The following SLC35F3 variants were observed in gnomAD, a reference collection of about 807,000 sequenced individuals.
SLC35F3 encodes putative thiamine transporter SLC35F3.
SLC35F3 carries 25 observed loss-of-function variants against 49.9 expected under a neutral mutation model. That is an observed-to-expected ratio of 0.50 (90% CI 0.37 to 0.70). SLC35F3 has a LOEUF of 0.70. Ranked by LOEUF, SLC35F3 falls within the 30% of genes least tolerant of loss-of-function variation. SLC35F3 has a pLI of 0.00. For synonymous variants in SLC35F3, 275 were observed against 265.4 expected, an observed-to-expected ratio of 1.04 and a Z score of -0.35; for missense variants, 525 against 639.8, an observed-to-expected ratio of 0.82 and a Z score of 1.94.
chr1:234,232,116 G>C (rs773756532), intron 3 of SLC35F3, among the ~76,000 whole-genome samples: 2 of 152,142 alleles, frequency 1.3e-5, no homozygotes, highest in Non-Finnish European at 2.9e-5. Context: ...CAGGTCACTC[G>C]GACGCTTCCT....
intron 3 of SLC35F3, among the ~76,000 whole-genome samples, chr1:234,262,990 C>T (rs190922777): frequency 3.7e-4 from 57 of 152,242 alleles, no homozygotes; most frequent in African/African-American, 1.3e-3. Flanking sequence ...AGTTTGTATC[C>T]GGAGCAGATA....
intron 2 of SLC35F3, among the ~76,000 whole-genome samples, chr1:234,222,846 G>T (rs1467750736): frequency 1.3e-5 from 2 of 152,186 alleles, no homozygotes; most frequent in Non-Finnish European, 2.9e-5. Context: ...TCTGGGTTTT[G>T]TGTGCAGGTC....
intron 2 of SLC35F3, among the ~76,000 whole-genome samples, chr1:234,201,119 G>T (rs1666894807): frequency 6.6e-6 from 1 of 152,194 alleles, no homozygotes; most frequent in South Asian, 2.1e-4. Context: ...CCAAATGCAG[G>T]AGAGGCCCCA....
chr1:234,139,991 A>AAAT (rs1379386248), intron 2 of SLC35F3, among the ~76,000 whole-genome samples: 3 of 138,394 alleles, frequency 2.2e-5, no homozygotes, highest in African/African-American at 7.7e-5. Flanking sequence ...AAATAAAATA[A>AAAT]AATAAAATAA....
At chr1:234,066,820 CCT>C (rs1270977124) in intron 2 of SLC35F3, among the ~76,000 whole-genome samples, 2 of 125,498 alleles carry the variant, frequency 1.6e-5, no homozygotes, top group African/African-American at 6.5e-5. Context: ...TGTCTCTGTC[CCT>C]CTCTCTCCCA....
intron 2 of SLC35F3, among the ~76,000 whole-genome samples, chr1:234,131,488 T>C (rs1445856830): frequency 6.6e-6 from 1 of 152,078 alleles, no homozygotes; most frequent in East Asian, 1.9e-4. Flanking sequence ...GTCTTCCTGC[T>C]TAACATCCTT....
intron 2 of SLC35F3, among the ~76,000 whole-genome samples, chr1:234,194,394 A>G (rs1666773793): frequency 1.3e-5 from 2 of 152,324 alleles, no homozygotes; most frequent in East Asian, 1.9e-4. Context: ...GAGCTAAGCA[A>G]TGAGGATGCA....
At chr1:233,988,056 T>A (rs1385404643) in intron 2 of SLC35F3, among the ~76,000 whole-genome samples, 1 of 152,236 alleles carries the variant, frequency 6.6e-6, no homozygotes, top group Non-Finnish European at 1.5e-5. Flanking sequence ...GAATATTTCC[T>A]CTCATGTCTG....
intron 2 of SLC35F3, among the ~76,000 whole-genome samples, chr1:234,141,368 C>T (rs954792123): frequency 6.6e-6 from 1 of 152,102 alleles, no homozygotes; most frequent in Non-Finnish European, 1.5e-5. Context: ...GTGAACAACT[C>T]CCCTTTCTCC....
chr1:234,031,645 A>C (rs948968611), intron 2 of SLC35F3, among the ~76,000 whole-genome samples: 1 of 152,068 alleles, frequency 6.6e-6, no homozygotes, highest in African/African-American at 2.4e-5. Flanking sequence ...CCTGGCCTCA[A>C]CCCATCCCCC....
intron 2 of SLC35F3, among the ~76,000 whole-genome samples, chr1:234,065,389 C>T (rs1476350258): frequency 1.3e-5 from 2 of 152,164 alleles, no homozygotes; most frequent in Non-Finnish European, 2.9e-5. Context: ...TCTCGTGACT[C>T]GCCCACCTCA....
intron 2 of SLC35F3, among the ~76,000 whole-genome samples, chr1:233,956,829 T>G (rs1662712866): frequency 6.6e-6 from 1 of 152,198 alleles, no homozygotes; most frequent in African/African-American, 2.4e-5. Flanking sequence ...GAACTGAAGC[T>G]GAACCCTAAA....
chr1:234,091,155 C>G (rs1235133116), intron 2 of SLC35F3, among the ~76,000 whole-genome samples: 1 of 152,192 alleles, frequency 6.6e-6, no homozygotes, highest in Admixed American at 6.5e-5. Context: ...TCATTCATTC[C>G]CACTAACCGA....
At chr1:234,024,507 G>A (rs546940949) in intron 2 of SLC35F3, among the ~76,000 whole-genome samples, 6 of 152,260 alleles carry the variant, frequency 3.9e-5, no homozygotes, top group African/African-American at 1.2e-4. Flanking sequence ...TTACAGTTAT[G>A]GAGGCTCAGA....
At chr1:234,319,737 A>C (rs995313851) in intron 6 of SLC35F3, among the ~76,000 whole-genome samples, 1 of 145,868 alleles carries the variant, frequency 6.9e-6, no homozygotes, top group Non-Finnish European at 1.5e-5. Flanking sequence ...CAAAACAAAA[A>C]AACAAAAAAC....
At chr1:234,184,691 A>G (rs6666481) in intron 2 of SLC35F3, among the ~76,000 whole-genome samples, 11,953 of 152,146 alleles carry the variant, frequency 0.079, 1,298 homozygotes, top group African/African-American at 0.25. Context: ...GCCTCTACAT[A>G]TTTGTTCCTC....
chr1:234,265,843 G>T (rs2102970670), intron 3 of SLC35F3, among the ~76,000 whole-genome samples: 1 of 152,202 alleles, frequency 6.6e-6, no homozygotes, highest in East Asian at 1.9e-4. Flanking sequence ...TCTCAGCTGG[G>T]TCTCTGTCCC....
chr1:234,247,450 G>T (rs1285335893), intron 3 of SLC35F3, among the ~76,000 whole-genome samples: 1 of 149,206 alleles, frequency 6.7e-6, no homozygotes, highest in African/African-American at 2.5e-5. Flanking sequence ...TTGTTTGGTG[G>T]GTTGGTTGGT....
intron 3 of SLC35F3, among the ~76,000 whole-genome samples, chr1:234,281,087 C>A (rs74231608): frequency 4.6e-5 from 7 of 151,434 alleles, no homozygotes; most frequent in Admixed American, 1.3e-4. Context: ...TGTGTCCCCC[C>A]CCCATGCTCA....
Sources: gnomAD v4.1 joint callset for allele counts (sites outside exome capture counted in the v4.1 genomes callset) on GRCh38, gnomAD v4.1.1 for gene constraint, MANE v1.5 for transcripts, NCBI Gene and HGNC (gene_info 2026-07-23, HGNC 2026-07-21) for gene names.